Variants in COG5 observed in about 807,000 individuals in gnomAD.
The protein encoded by COG5 is conserved oligomeric Golgi complex subunit 5.
COG5 carries 86 observed loss-of-function variants against 110.4 expected under a neutral mutation model. The observed-to-expected ratio is 0.78, with a 90% CI of 0.65 to 0.93. The LOEUF (loss-of-function observed/expected upper bound fraction) is 0.93, where lower values mean the gene tolerates loss of function less well. Among genes scored for constraint, COG5 ranks in the 40% least tolerant of loss-of-function variants. The probability of loss-of-function intolerance (pLI) is 0.00; values close to 1 mark genes in which losing one functional copy is unlikely to be tolerated. For missense variants in COG5, 1,077 were observed against 987.0 expected (o/e 1.09, Z -1.22); for synonymous variants, 360 against 334.6 (o/e 1.08, Z -0.83).
At chr7:107,242,181 G>A (rs1324451160) in intron 17 of COG5, among the ~76,000 whole-genome samples, 1 of 152,184 alleles carries the variant, frequency 6.6e-6, no homozygotes, top group Non-Finnish European at 1.5e-5. Flanking sequence ...GAGAGGAACA[G>A]ACCCCTTCAA....
chr7:107,448,762 T>C (rs1795157718), intron 6 of COG5, among the ~76,000 whole-genome samples: 1 of 152,138 alleles, frequency 6.6e-6, no homozygotes, highest in South Asian at 2.1e-4. Flanking sequence ...CAGATTTTTT[T>C]CCCAATAAAT....
chr7:107,282,872 A>G (rs1805294074), intron 13 of COG5, among the ~76,000 whole-genome samples: 2 of 152,184 alleles, frequency 1.3e-5, no homozygotes, highest in Non-Finnish European at 2.9e-5. Context: ...CAAATCTTTA[A>G]AAGAATTTAG....
intron 10 of COG5, among the ~76,000 whole-genome samples, chr7:107,344,085 T>C (rs1048226129): frequency 4.6e-5 from 7 of 152,158 alleles, no homozygotes; most frequent in Non-Finnish European, 8.8e-5. Flanking sequence ...GACCTAAAAA[T>C]AGAATCAGCC....
chr7:107,388,268 C>A (rs1342081553), intron 7 of COG5, among the ~76,000 whole-genome samples: 2 of 152,144 alleles, frequency 1.3e-5, no homozygotes, highest in Non-Finnish European at 2.9e-5. Flanking sequence ...TAGATATGTA[C>A]GTATATCCAT....
intron 5 of COG5, among the ~76,000 whole-genome samples, chr7:107,529,662 T>C (rs1261228189): frequency 1.3e-5 from 2 of 152,216 alleles, no homozygotes; most frequent in South Asian, 2.1e-4. Context: ...AGTCCTCGGA[T>C]CAAGGTTAAA....
rs535153204 is a variant in COG5 at position 107,236,378 on chromosome 7, A to G, written c.2091+72T>C. 117 of 1,110,478 alleles carry G rather than the reference A, an allele frequency of 1.1e-4. 2 individuals are homozygous for G. In the South Asian group the frequency reaches 1.4e-3, roughly 14 times the overall value. 68.8% of individuals were successfully genotyped at this position (1,110,478 alleles called of 1,614,324 possible). Reference sequence around the variant, plus strand: ...CAACTCTTTAAAAACACCGATGAAAACACATTCTTTCATTTAATAGATGAT... The same window carrying G: ...CAACTCTTTAAAAACACCGATGAAAGCACATTCTTTCATTTAATAGATGAT... On this transcript the variant is annotated intron_variant, in intron 18 of 21. Transcript: ENST00000297135.
chr7:107,475,347 G>A (rs770054981), intron 6 of COG5: 2 of 1,506,778 alleles, frequency 1.3e-6, no homozygotes, highest in South Asian at 1.3e-5. Context: ...TAGTGCCTCA[G>A]GTTGTCACAG....
intron 6 of COG5, among the ~76,000 whole-genome samples, chr7:107,442,643 T>TAAAAAAAA (rs35184301): frequency 7.7e-6 from 1 of 129,566 alleles, no homozygotes; most frequent in African/African-American, 2.8e-5. Context: ...CAATTTCACC[T>TAAAAAAAA]AAAAAAAAAA....
intron 19 of COG5, among the ~76,000 whole-genome samples, chr7:107,225,654 A>G (rs1233235403): frequency 6.6e-6 from 1 of 152,192 alleles, no homozygotes; most frequent in East Asian, 1.9e-4. Context: ...CTGGGACCAC[A>G]GATGTGCACC....
At chr7:107,534,762 A>C (rs1801460276) in intron 5 of COG5, among the ~76,000 whole-genome samples, 1 of 151,550 alleles carries the variant, frequency 6.6e-6, no homozygotes, top group Admixed American at 6.6e-5. Context: ...CAGATCAACG[A>C]AACAGAAAAT....
chr7:107,316,092 G>T (rs1389652199), intron 11 of COG5, among the ~76,000 whole-genome samples: 1 of 152,154 alleles, frequency 6.6e-6, no homozygotes, highest in African/African-American at 2.4e-5. Flanking sequence ...GAAATCAACA[G>T]AATGAAAATG....
intron 6 of COG5, among the ~76,000 whole-genome samples, chr7:107,435,874 C>T (rs1218704862): frequency 1.3e-5 from 2 of 152,022 alleles, no homozygotes; most frequent in African/African-American, 4.8e-5. Flanking sequence ...TCACAATAGC[C>T]ATGAGGTGGA....
At chr7:107,478,372 C>T (rs1187825715) in intron 6 of COG5, among the ~76,000 whole-genome samples, 1 of 151,880 alleles carries the variant, frequency 6.6e-6, no homozygotes, top group Non-Finnish European at 1.5e-5. Flanking sequence ...ATGTTCTATT[C>T]TTTCATCCTT....
Position 107,254,377 on chromosome 7 carries a change from T to C in COG5, c.1749+2355A>G, listed in dbSNP as rs1802732662. 2.6e-5 allele frequency among the ~76,000 whole-genome samples: 4 copies of C among 151,552 alleles called. No individual in the cohort carries two copies. In the South Asian group the frequency reaches 8.3e-4, roughly 31 times the overall value. The stretch of plus-strand genomic sequence containing the variant: ...TGAAATTCAACATTCCTTTTTATTC[T>C]AAGTCAGGTTTTTTTTTTACTTTTT... On this transcript the variant is annotated intron_variant, in intron 16 of 21. Transcript: ENST00000297135.
intron 19 of COG5, among the ~76,000 whole-genome samples, chr7:107,228,708 A>T (rs536931706): frequency 5.3e-5 from 8 of 152,076 alleles, no homozygotes; most frequent in Non-Finnish European, 8.8e-5. Flanking sequence ...CCTAAAACTC[A>T]TCTCTGTACA....
intron 7 of COG5, among the ~76,000 whole-genome samples, chr7:107,405,566 A>T (rs1348845752): frequency 6.6e-6 from 1 of 152,270 alleles, no homozygotes; most frequent in African/African-American, 2.4e-5. Context: ...TTAAACTCAG[A>T]AAGATGTTAC....
intron 6 of COG5, among the ~76,000 whole-genome samples, chr7:107,415,834 A>ATGTATG (rs1554434687): frequency 1.2e-5 from 1 of 80,064 alleles, no homozygotes; most frequent in East Asian, 3.4e-4. Context: ...GTATGTATGT[A>ATGTATG]TGTGTGTGTA....
At chr7:107,503,904 G>A (rs1376186935) in intron 6 of COG5, among the ~76,000 whole-genome samples, 2 of 152,006 alleles carry the variant, frequency 1.3e-5, no homozygotes, top group Non-Finnish European at 2.9e-5. Context: ...CTTTATTTAG[G>A]GTTTTTCATG....
At chr7:107,225,633 C>T (rs1800278062) in intron 19 of COG5, among the ~76,000 whole-genome samples, 1 of 152,232 alleles carries the variant, frequency 6.6e-6, no homozygotes, top group South Asian at 2.1e-4. Context: ...CCACCTTAGC[C>T]TACCGAGTAG....
Sources: allele counts gnomAD v4.1 joint callset (sites outside exome capture counted in the v4.1 genomes callset), GRCh38; gene constraint gnomAD v4.1.1; transcripts MANE v1.5; gene names NCBI Gene and HGNC (gene_info 2026-07-23, HGNC 2026-07-21).